CAMTA1: variants seen among roughly 807,000 people sequenced by gnomAD.
The protein encoded by CAMTA1 is calmodulin-binding transcription activator 1.
CAMTA1 carries 27 observed loss-of-function variants against 170.9 expected under a neutral mutation model. The ratio of observed to expected loss-of-function variants is 0.16; its 90% confidence interval spans 0.12 to 0.22. CAMTA1 has a LOEUF of 0.22. Ranked by LOEUF, CAMTA1 falls within the 10% of genes least tolerant of loss-of-function variation. The probability of loss-of-function intolerance (pLI) is 1.00; values close to 1 mark genes in which losing one functional copy is unlikely to be tolerated. For synonymous variants in CAMTA1, 833 were observed against 891.5 expected (o/e 0.93, Z 1.17); for missense variants, 1,619 against 2,217.2 (o/e 0.73, Z 5.42).
intron 3 of CAMTA1, among the ~76,000 whole-genome samples, chr1:6,957,333 C>T (rs1357123071): frequency 6.6e-6 from 1 of 152,166 alleles, no homozygotes; most frequent in East Asian, 1.9e-4. Context: ...CTATCACAAA[C>T]TACCATAGAC....
chr1:6,835,538 GC>G (rs1335919868), intron 3 of CAMTA1, among the ~76,000 whole-genome samples: 6 of 152,224 alleles, frequency 3.9e-5, no homozygotes, highest in Admixed American at 3.3e-4. Context: ...AGATTGCTGG[GC>G]CCCATCCCCA....
At position 7,293,056 on chromosome 1, in the gene CAMTA1, T is replaced by A. The variant is rs1443812038; in HGVS notation, c.438+43430T>A. On this transcript the variant is annotated intron_variant, in intron 5 of 22. Coordinates refer to ENST00000303635, the MANE Select transcript of CAMTA1 (RefSeq NM_015215.4). The surrounding 1 kb of genome is among the most constrained non-coding windows in gnomAD (Gnocchi z 4.1). ...AGTGGCAAGCTCCGGCGGGGTGTCC[T>A]ACTCCCTGCTGGGTCACTGGAGCTT... Among the ~76,000 whole-genome samples, 3 of 152,160 alleles carry A rather than the reference T, an allele frequency of 2.0e-5. No homozygotes were observed. The highest frequency in any genetic ancestry group is 4.4e-5 in the Non-Finnish European group (3 of 68,014).
At chr1:7,292,600 C>T (rs1673309444) in intron 5 of CAMTA1, among the ~76,000 whole-genome samples, 1 of 152,144 alleles carries the variant, frequency 6.6e-6, no homozygotes, top group African/African-American at 2.4e-5. Flanking sequence ...TCTCCGTACT[C>T]AGGAGAGAGA....
chr1:7,048,433 G>A (rs1237086865), intron 3 of CAMTA1, among the ~76,000 whole-genome samples: 1 of 152,204 alleles, frequency 6.6e-6, no homozygotes, highest in Non-Finnish European at 1.5e-5. Flanking sequence ...AATTTTTGAT[G>A]GAATTAGTAA....
At chr1:7,392,158 T>C (rs967159785) in intron 5 of CAMTA1, among the ~76,000 whole-genome samples, 1 of 152,096 alleles carries the variant, frequency 6.6e-6, no homozygotes, top group Non-Finnish European at 1.5e-5. Context: ...GCACTGTGGC[T>C]CATGCCTGTA....
At chr1:7,156,755 A>G (rs188566233) in intron 4 of CAMTA1, among the ~76,000 whole-genome samples, 2 of 152,314 alleles carry the variant, frequency 1.3e-5, no homozygotes, top group African/African-American at 4.8e-5. Flanking sequence ...TGGCAAGCAG[A>G]TCATTCATTA....
rs1387110686 is a variant in CAMTA1, at chr1:7,173,798, C to T, written c.303-75693C>T. 6.6e-6 allele frequency among the ~76,000 whole-genome samples: 1 copy of T among 152,000 alleles called. No individual in the cohort carries two copies. Among genetic ancestry groups the T allele is most frequent in the East Asian group, 1.9e-4 (1 of 5,190 alleles). On this transcript the variant is annotated intron_variant, in intron 4 of 22. Coordinates refer to ENST00000303635, the MANE Select transcript of CAMTA1 (RefSeq NM_015215.4). This position sits in a 1 kb window ranked among gnomAD's most constrained non-coding sequence, Gnocchi z 5.4. ...AGGAAGGTGACAGTTGACTTTCCTT[C>T]CTACAAAAACTCAACATGGCTCAGT...
chr1:7,502,432 C>T (rs1575670825), intron 6 of CAMTA1, among the ~76,000 whole-genome samples: 3 of 152,314 alleles, frequency 2.0e-5, no homozygotes, highest in Middle Eastern at 6.8e-3. Flanking sequence ...TGGGCTCCGG[C>T]AGCTCAGCAG....
intron 4 of CAMTA1, among the ~76,000 whole-genome samples, chr1:7,227,357 TG>T (rs1661894887): frequency 6.6e-6 from 1 of 152,208 alleles, no homozygotes; most frequent in African/African-American, 2.4e-5. Context: ...ATGGAGTTTT[TG>T]CTCTTGTTGC....
chr1:7,104,318 AAC>A (rs746732020), intron 4 of CAMTA1, among the ~76,000 whole-genome samples: 32 of 152,004 alleles, frequency 2.1e-4, no homozygotes, highest in Admixed American at 6.6e-4. Flanking sequence ...GCAGCACAGA[AAC>A]ACACACATAT....
At chr1:7,581,674 C>G (rs1255349411) in intron 6 of CAMTA1, among the ~76,000 whole-genome samples, 4 of 152,240 alleles carry the variant, frequency 2.6e-5, no homozygotes, top group Non-Finnish European at 2.9e-5. Flanking sequence ...GTGTTCACAC[C>G]TGCCACGTGT....
chr1:7,029,020 C>T (rs981820698), intron 3 of CAMTA1, among the ~76,000 whole-genome samples: 1 of 152,188 alleles, frequency 6.6e-6, no homozygotes, highest in African/African-American at 2.4e-5. Context: ...GATTCCCTTA[C>T]CCTCTAGGAC....
intron 4 of CAMTA1, among the ~76,000 whole-genome samples, chr1:7,194,708 T>C (rs1655183731): frequency 6.6e-6 from 1 of 152,134 alleles, no homozygotes; most frequent in South Asian, 2.1e-4. Context: ...CTTGCGATAT[T>C]TCATCTGCCT....
intron 11 of CAMTA1, among the ~76,000 whole-genome samples, chr1:7,725,832 A>G (rs1022317501): frequency 6.6e-6 from 1 of 152,212 alleles, no homozygotes; most frequent in Admixed American, 6.5e-5. Flanking sequence ...CCTCTGGTCT[A>G]GAGGAATGGT....
At chr1:7,754,298 T>G (rs566084351) in intron 21 of CAMTA1, among the ~76,000 whole-genome samples, 1 of 152,242 alleles carries the variant, frequency 6.6e-6, no homozygotes, top group South Asian at 2.1e-4. Flanking sequence ...TTTAGGCCAC[T>G]TCAGACAAAC....
intron 6 of CAMTA1, among the ~76,000 whole-genome samples, chr1:7,495,944 C>T (rs750988321): frequency 1.3e-5 from 2 of 152,178 alleles, no homozygotes; most frequent in Non-Finnish European, 2.9e-5. Context: ...TTGCCCAGAG[C>T]ACCTCCTGGC....
intron 3 of CAMTA1, among the ~76,000 whole-genome samples, chr1:6,839,442 T>C (rs1654767944): frequency 6.6e-6 from 1 of 152,182 alleles, no homozygotes; most frequent in Non-Finnish European, 1.5e-5. Context: ...AATGCCATCA[T>C]TTATGCATTC....
chr1:7,087,004 C>T (rs1000609854), intron 3 of CAMTA1, among the ~76,000 whole-genome samples: 6 of 152,232 alleles, frequency 3.9e-5, no homozygotes, highest in African/African-American at 9.6e-5. Flanking sequence ...GGAACATGCA[C>T]GCCCGGAGAG....
chr1:7,373,329 C>T (rs903631108), intron 5 of CAMTA1, among the ~76,000 whole-genome samples: 47 of 152,206 alleles, frequency 3.1e-4, no homozygotes, highest in Admixed American at 1.2e-3. Context: ...AAGGGTTTTG[C>T]TAAAGCCCAG....
Sources: allele counts gnomAD v4.1 joint callset (sites outside exome capture counted in the v4.1 genomes callset), GRCh38; gene constraint gnomAD v4.1.1; non-coding constraint Gnocchi (gnomAD v3.1); transcripts MANE v1.5; gene names NCBI Gene and HGNC (gene_info 2026-07-23, HGNC 2026-07-21).